PSD3: variants seen among roughly 807,000 people sequenced by gnomAD.
PSD3 encodes the protein pleckstrin and Sec7 domain containing 3.
PSD3 carries 49 observed loss-of-function variants against 105.5 expected under a neutral mutation model. The ratio of observed to expected loss-of-function variants is 0.46; its 90% CI spans 0.37 to 0.59. The LOEUF is 0.59. PSD3 is among the 20% of genes least tolerant of loss of function. The probability of loss-of-function intolerance (pLI) is 0.00; values close to 1 mark genes in which losing one functional copy is unlikely to be tolerated. For synonymous variants in PSD3, 557 were observed against 457.8 expected, an observed-to-expected ratio of 1.22 and a Z score of -2.77; for missense variants, 1,561 against 1,263.8, an observed-to-expected ratio of 1.24 and a Z score of -3.57.
At chr8:18,956,375 C>G (rs111819083) in intron 1 of PSD3, among the ~76,000 whole-genome samples, 74 of 152,294 alleles carry the variant, frequency 4.9e-4, no homozygotes, top group African/African-American at 1.7e-3. Flanking sequence ...GCATTTCTAA[C>G]AAGATCCCAG....
intron 9 of PSD3, among the ~76,000 whole-genome samples, chr8:18,708,701 T>G (rs907997441): frequency 3.3e-5 from 5 of 152,068 alleles, no homozygotes; most frequent in African/African-American, 1.2e-4. Context: ...CAAGATGGCC[T>G]ACTAGAAGCA....
chr8:18,870,397 A>G (rs570370617), intron 3 of PSD3, among the ~76,000 whole-genome samples: 1 of 149,700 alleles, frequency 6.7e-6, no homozygotes, highest in South Asian at 2.1e-4. Context: ...GATGTCAGAA[A>G]TGCAGGGAAA....
At chr8:18,610,520 C>G (rs1288759781) in intron 11 of PSD3, among the ~76,000 whole-genome samples, 1 of 152,226 alleles carries the variant, frequency 6.6e-6, no homozygotes. Context: ...CTCTCTGAAT[C>G]TGCTGTGATT....
chr8:18,829,564 G>C (rs1813513088), intron 4 of PSD3, among the ~76,000 whole-genome samples: 1 of 152,072 alleles, frequency 6.6e-6, no homozygotes, highest in Non-Finnish European at 1.5e-5. Context: ...TTTTTCCCTT[G>C]TACACTATGT....
chr8:18,973,066 G>A (rs1268207606), intron 1 of PSD3, among the ~76,000 whole-genome samples: 3 of 152,154 alleles, frequency 2.0e-5, no homozygotes, highest in South Asian at 2.1e-4. Context: ...GGGTTTATTC[G>A]ATGGACTACC....
Position 18,867,831 on chromosome 8 carries a change from A to C in PSD3, c.1477T>G (p.Leu493Val). The change falls in exon 4 of 16, where the codon TTG becomes GTG. Residue 493 changes from leucine to valine, a missense_variant. Physicochemically the swap from Leu to Val is conservative, Grantham distance 32. Coordinates refer to ENST00000327040, the MANE Select transcript of PSD3 (RefSeq NM_015310.4). ...TGTCCTCCCCCTGATGTCCTCTCCAAGAACTGACCACCTTCTTTAATGCGC... is the reference window on the plus strand; with the variant it reads ...TGTCCTCCCCCTGATGTCCTCTCCACGAACTGACCACCTTCTTTAATGCGC... ...QQRIKEGGQFLERTSGGGHQD... is the reference protein window; with the variant it reads ...QQRIKEGGQFVERTSGGGHQD... 6 of 1,614,174 alleles carry C rather than the reference A, an allele frequency of 3.7e-6. No individual in the cohort carries two copies. Among genetic ancestry groups the C allele is most frequent in the Non-Finnish European group, 5.1e-6 (6 of 1,180,028 alleles).
At chr8:18,620,815 T>TA (rs1315370669) in intron 11 of PSD3, among the ~76,000 whole-genome samples, 1 of 152,250 alleles carries the variant, frequency 6.6e-6, no homozygotes, top group Non-Finnish European at 1.5e-5. Context: ...TTAATTCCTT[T>TA]AGGAAACTAG....
intron 1 of PSD3, among the ~76,000 whole-genome samples, chr8:19,062,068 C>G (rs942564097): frequency 2.6e-5 from 4 of 152,208 alleles, no homozygotes; most frequent in Non-Finnish European, 1.5e-5. Context: ...TCTTCACTTT[C>G]TAGACTTCTC....
chr8:18,652,700 G>A (rs557276900), intron 10 of PSD3, among the ~76,000 whole-genome samples: 1 of 151,998 alleles, frequency 6.6e-6, no homozygotes, highest in East Asian at 1.9e-4. Flanking sequence ...GTTTCACCAT[G>A]TTGGCCAGGC....
intron 1 of PSD3, among the ~76,000 whole-genome samples, chr8:18,978,994 T>C (rs936534079): frequency 6.6e-5 from 10 of 152,266 alleles, no homozygotes; most frequent in African/African-American, 2.2e-4. Flanking sequence ...GATGCCTGTG[T>C]TCCTTCTGGA....
Position 18,531,895 on chromosome 8 carries a change from A to C in PSD3, c.*3848T>G, listed in dbSNP as rs1214604711. ...AAGAGAGGTGGCTCCCAACCTGCTG[A>C]AAACTCGACCAAGTCCACGGGAGTT... is the stretch of plus-strand genomic sequence containing the variant. On this transcript the variant is annotated 3_prime_UTR_variant, in exon 16 of 16. Coordinates refer to ENST00000327040, the MANE Select transcript of PSD3 (RefSeq NM_015310.4). 2 of 152,218 alleles carry C rather than the reference A, an allele frequency of 1.3e-5. No individual in the cohort carries two copies. The highest frequency in any genetic ancestry group is 2.4e-5 in the African/African-American group (1 of 41,460). 9.4% of individuals were successfully genotyped at this position (152,218 alleles called of 1,614,324 possible). A position where few individuals can be genotyped will look rare whatever the true frequency, so the allele number is the denominator to read the frequency against.
At chr8:18,627,629 A>C (rs1483219696) in intron 11 of PSD3, among the ~76,000 whole-genome samples, 1 of 152,084 alleles carries the variant, frequency 6.6e-6, no homozygotes, top group Admixed American at 6.6e-5. Context: ...CTCTGGATCC[A>C]CCAGAACAAA....
At chr8:18,971,573 C>A (rs74892013) in intron 1 of PSD3, among the ~76,000 whole-genome samples, 17,701 of 152,222 alleles carry the variant, frequency 0.12, 1,307 homozygotes, top group Non-Finnish European at 0.17. Context: ...CCCCGGGCTT[C>A]AGCACAAGGA....
intron 9 of PSD3, among the ~76,000 whole-genome samples, chr8:18,738,043 T>C (rs1353317662): frequency 6.6e-6 from 1 of 152,048 alleles, no homozygotes; most frequent in Non-Finnish European, 1.5e-5. Flanking sequence ...TTAATCAGTG[T>C]GAAATTGGGA....
chr8:18,952,108 C>T (rs1823273493), intron 1 of PSD3, among the ~76,000 whole-genome samples: 1 of 152,140 alleles, frequency 6.6e-6, no homozygotes, highest in Admixed American at 6.5e-5. Flanking sequence ...TGCCAGTCAC[C>T]TTTGTTCTTA....
chr8:18,762,933 T>C (rs571031060), intron 9 of PSD3: 291 of 1,283,034 alleles, frequency 2.3e-4, no homozygotes, highest in Non-Finnish European at 2.6e-4. Flanking sequence ...GTTTATTTTA[T>C]GGAGAAAGAC....
intron 11 of PSD3, among the ~76,000 whole-genome samples, chr8:18,605,658 G>A (rs1804773744): frequency 6.6e-6 from 1 of 152,138 alleles, no homozygotes; most frequent in South Asian, 2.1e-4. Flanking sequence ...GTTTAGATCT[G>A]TGTCCCCACC....
At chr8:18,913,116 CA>C (rs773363389) in intron 2 of PSD3, among the ~76,000 whole-genome samples, 6,747 of 151,502 alleles carry the variant, frequency 0.045, 183 homozygotes, top group Admixed American at 0.079. Context: ...CACACACACA[CA>C]CACACACTCT....
chr8:18,620,817 G>A (rs1218487645), intron 11 of PSD3, among the ~76,000 whole-genome samples: 1 of 152,126 alleles, frequency 6.6e-6, no homozygotes, highest in Non-Finnish European at 1.5e-5. Context: ...AATTCCTTTA[G>A]GAAACTAGTA....
Sources: allele counts gnomAD v4.1 joint callset (sites outside exome capture counted in the v4.1 genomes callset), GRCh38; gene constraint gnomAD v4.1.1; transcripts MANE v1.5; gene names NCBI Gene and HGNC (gene_info 2026-07-23, HGNC 2026-07-21).